Variants in ASTN2 observed in about 807,000 individuals in gnomAD.
ASTN2 encodes the protein astrotactin-2.
A neutral mutation model predicts 139.8 loss-of-function variants in ASTN2; 54 were observed. That is an observed-to-expected ratio of 0.39 (90% CI 0.31 to 0.48). The LOEUF (loss-of-function observed/expected upper bound fraction) is 0.48, where lower values mean the gene tolerates loss of function less well. Among genes scored for constraint, ASTN2 ranks in the 20% least tolerant of loss-of-function variants. The pLI is 0.95. For synonymous variants in ASTN2, 756 were observed against 719.5 expected, an observed-to-expected ratio of 1.05 and a Z score of -0.81; for missense variants, 1,565 against 1,725.1, an observed-to-expected ratio of 0.91 and a Z score of 1.64.
intron 13 of ASTN2, among the ~76,000 whole-genome samples, chr9:116,797,596 G>A (rs772573735): frequency 1.1e-4 from 16 of 152,196 alleles, no homozygotes; most frequent in Non-Finnish European, 2.1e-4. Context: ...GAATACTGCA[G>A]AATATTGCTC....
At chr9:117,325,709 G>A (rs778028449) in intron 1 of ASTN2, among the ~76,000 whole-genome samples, 22 of 152,266 alleles carry the variant, frequency 1.4e-4, no homozygotes, top group Non-Finnish European at 2.5e-4. Context: ...TTTCCCTCAC[G>A]CCCTCCCAGA....
chr9:116,805,440 G>A (rs2132246316), intron 13 of ASTN2, among the ~76,000 whole-genome samples, 192 bp downstream of exon 13: 1 of 152,174 alleles, frequency 6.6e-6, no homozygotes, highest in South Asian at 2.1e-4. Flanking sequence ...ATATATGCTA[G>A]GACCATGAAA....
At chr9:116,882,509 G>C (rs1207982875) in intron 10 of ASTN2, among the ~76,000 whole-genome samples, 1 of 152,160 alleles carries the variant, frequency 6.6e-6, no homozygotes, top group Non-Finnish European at 1.5e-5. Flanking sequence ...GAGGGTCATG[G>C]ACTGAGAACA....
At chr9:117,031,182 T>A (rs532218541) in intron 6 of ASTN2, among the ~76,000 whole-genome samples, 1 of 152,220 alleles carries the variant, frequency 6.6e-6, no homozygotes, top group Non-Finnish European at 1.5e-5. Context: ...GGGAGCAACA[T>A]CCTTGGGGAG....
chr9:116,429,339 G>GAAAA (rs34731241), intron 22 of ASTN2, among the ~76,000 whole-genome samples: 2,466 of 90,626 alleles, frequency 0.027, 106 homozygotes, highest in Middle Eastern at 0.08. Context: ...AACTCTATCT[G>GAAAA]AAAAAAAAAA....
At chr9:116,440,434 C>T (rs571273018) in intron 22 of ASTN2, among the ~76,000 whole-genome samples, 175 bp downstream of exon 22, 1 of 152,208 alleles carries the variant, frequency 6.6e-6, no homozygotes, top group East Asian at 1.9e-4. Flanking sequence ...TCTAAAGTTC[C>T]AAGATTCTTT....
intron 19 of ASTN2, among the ~76,000 whole-genome samples, chr9:116,576,832 A>G (rs1853742434): frequency 1.3e-5 from 2 of 152,052 alleles, no homozygotes; most frequent in African/African-American, 2.4e-5. Flanking sequence ...ATCTTTTACC[A>G]TCTCTCCTTT....
At chr9:117,273,946 A>T (rs1259176895) in intron 2 of ASTN2, among the ~76,000 whole-genome samples, 1 of 152,166 alleles carries the variant, frequency 6.6e-6, no homozygotes, top group Non-Finnish European at 1.5e-5. Flanking sequence ...CAGGCCAGAC[A>T]TATCTTCACC....
chr9:117,379,526 G>A (rs1934487), intron 1 of ASTN2, among the ~76,000 whole-genome samples: 81,469 of 151,994 alleles, frequency 0.54, 22,247 homozygotes, highest in Admixed American at 0.63. Context: ...AGCCTTCGAA[G>A]GCCTCCATTA....
intron 5 of ASTN2, among the ~76,000 whole-genome samples, chr9:117,074,305 G>A (rs1828216469): frequency 6.6e-6 from 1 of 152,164 alleles, no homozygotes; most frequent in Non-Finnish European, 1.5e-5. Context: ...TTTTAAGAAA[G>A]GAACGAGGGT....
chr9:116,897,475 C>T (rs976986520), intron 10 of ASTN2, among the ~76,000 whole-genome samples: 5 of 152,144 alleles, frequency 3.3e-5, no homozygotes, highest in South Asian at 2.1e-4. Context: ...CACTTGTTAG[C>T]GTTTAACTGT....
At chr9:116,572,635 G>A (rs1037739788) in intron 19 of ASTN2, among the ~76,000 whole-genome samples, 2 of 152,202 alleles carry the variant, frequency 1.3e-5, no homozygotes, top group African/African-American at 2.4e-5. Flanking sequence ...CCAACAAAAT[G>A]TGTGCTAGCC....
intron 11 of ASTN2, among the ~76,000 whole-genome samples, chr9:116,847,302 G>T (rs1473238063): frequency 6.6e-6 from 1 of 152,118 alleles, no homozygotes. Flanking sequence ...TTTTAGTAGA[G>T]ACGGCGTTTC....
rs1315538333 is a variant in ASTN2, at chr9:117,060,508, A to G, written c.1277-20543T>C. ...AGGAATGAAAGAAAGAAAGAAAGAA[A>G]GAAAGGAAGGAAGGAAGGAAGGAAG... is the stretch of plus-strand genomic sequence containing the variant. On this transcript the variant is annotated intron_variant, in intron 5 of 22. Transcript: ENST00000313400. 1.0e-4 allele frequency among the ~76,000 whole-genome samples: 10 copies of G among 100,430 alleles called. 3 individuals carry two copies. Among genetic ancestry groups the G allele is most frequent in the African/African-American group, 4.4e-4 (10 of 22,820 alleles). The allele number at this position is 100,430 out of a possible 152,430, so 65.9% of individuals were successfully genotyped here. A position where few individuals can be genotyped will look rare whatever the true frequency, so the allele number is the denominator to read the frequency against.
chr9:117,188,866 T>C (rs532836675), intron 3 of ASTN2, among the ~76,000 whole-genome samples: 13 of 152,288 alleles, frequency 8.5e-5, no homozygotes, highest in African/African-American at 3.1e-4. Flanking sequence ...GTGGGAATTA[T>C]CTATTTGCAG....
chr9:116,473,998 G>GT (rs1311349862), intron 20 of ASTN2, among the ~76,000 whole-genome samples: 1 of 152,110 alleles, frequency 6.6e-6, no homozygotes, highest in Non-Finnish European at 1.5e-5. Context: ...CTCTGCATGT[G>GT]TATTTGTTTC....
At chr9:117,275,182 T>C (rs1834156593) in intron 2 of ASTN2, among the ~76,000 whole-genome samples, 1 of 152,256 alleles carries the variant, frequency 6.6e-6, no homozygotes, top group Admixed American at 6.5e-5. Context: ...CCATTTTTTC[T>C]ATCAACAGTG....
intron 2 of ASTN2, among the ~76,000 whole-genome samples, chr9:117,261,379 T>A (rs1487181894): frequency 6.6e-6 from 1 of 152,206 alleles, no homozygotes; most frequent in Non-Finnish European, 1.5e-5. Flanking sequence ...AGGTGTTGCA[T>A]AGGCAGCAGA....
chr9:116,778,755 ATAAAGTATACCCC>A (rs1245854574), intron 13 of ASTN2, among the ~76,000 whole-genome samples: 1 of 152,192 alleles, frequency 6.6e-6, no homozygotes, highest in African/African-American at 2.4e-5. Context: ...TGTTCTAAAA[ATAAAGTATACCCC>A]TCTGCATTAA....
Sources: allele counts gnomAD v4.1 joint callset (sites outside exome capture counted in the v4.1 genomes callset), GRCh38; gene constraint gnomAD v4.1.1; transcripts MANE v1.5; gene names NCBI Gene and HGNC (gene_info 2026-07-23, HGNC 2026-07-21).